PHF20L1: variants seen among roughly 807,000 people sequenced by gnomAD.
PHF20L1 encodes the protein PHD finger protein 20 like 1, also known as PHD finger protein 20-like protein 1.
A neutral mutation model predicts 125.5 loss-of-function variants in PHF20L1; 44 were observed. The ratio of observed to expected loss-of-function variants is 0.35; its 90% CI spans 0.28 to 0.45. PHF20L1 has a LOEUF of 0.45. Ranked by LOEUF, PHF20L1 falls within the 20% of genes least tolerant of loss-of-function variation. The pLI, the probability that PHF20L1 is intolerant of heterozygous loss-of-function variation, is 1.00. For missense variants in PHF20L1, 1,012 were observed against 1,217.2 expected, an observed-to-expected ratio of 0.83 and a Z score of 2.51; for synonymous variants, 380 against 403.1, an observed-to-expected ratio of 0.94 and a Z score of 0.69.
Position 132,794,432 on chromosome 8 carries a change from A to AG in PHF20L1, c.106_107insG (p.Ile36SerfsTer2). On this transcript the variant is annotated frameshift_variant, in exon 3 of 21. Transcript: ENST00000395386. LOFTEE classifies it high-confidence loss of function. The stretch of plus-strand genomic sequence containing the variant: ...GAGGTATCCATCACGAATTGAAAAA[A>AG]TTGACTATGAGGAGGGCAAGATGTT... 6.2e-7 allele frequency: 1 copy of AG among 1,608,196 alleles called. No individual in the cohort carries two copies. The highest frequency in any genetic ancestry group is 8.5e-7 in the Non-Finnish European group (1 of 1,176,730).
chr8:132,842,665 T>C lies in PHF20L1; in HGVS notation c.2538T>C (p.Pro846=), dbSNP rs373902741. Residue 846 remains proline (P), a synonymous_variant, in exon 19 of 21, where the codon CCT becomes CCC. Coordinates refer to ENST00000395386, the MANE Select transcript of PHF20L1 (RefSeq NM_016018.5). Reference sequence around the variant, plus strand: ...ATGTACAGAACCATAAAGAACCACCTCGTTTGCCCCTAAAAATGGAAGGAA... The same window carrying C: ...ATGTACAGAACCATAAAGAACCACCCCGTTTGCCCCTAAAAATGGAAGGAA... ...KKYVQNHKEP[P]RLPLKMEGTY... 3.0e-5 allele frequency: 49 copies of C among 1,613,082 alleles called. No individual in the cohort carries two copies. The African/African-American group carries it at 4.9e-4, about 16-fold the overall frequency.
chr8:132,828,277 A>G (rs1836406669), intron 14 of PHF20L1, among the ~76,000 whole-genome samples: 1 of 151,980 alleles, frequency 6.6e-6, no homozygotes, highest in African/African-American at 2.4e-5. Flanking sequence ...TTTAATCCTC[A>G]TATTAACCCT....
intron 12 of PHF20L1, chr8:132,818,579 T>C (rs1043809993): frequency 6.6e-6 from 1 of 151,940 alleles, no homozygotes; most frequent in Non-Finnish European, 1.5e-5. Context: ...ACATGATAAT[T>C]CTTTATCATG....
intron 13 of PHF20L1, 84 bp from the exon 14 acceptor site, chr8:132,825,180 A>G (rs1836030852): frequency 1.3e-6 from 2 of 1,567,684 alleles, no homozygotes; most frequent in Non-Finnish European, 1.7e-6. Context: ...GCTGATTAAA[A>G]CATAAATGCT....
At chr8:132,798,326 A>G (rs1832656618) in intron 4 of PHF20L1, among the ~76,000 whole-genome samples, 1 of 152,042 alleles carries the variant, frequency 6.6e-6, no homozygotes, top group Non-Finnish European at 1.5e-5. Flanking sequence ...TGCCCAAGGA[A>G]TAATCCTTTC....
rs571854548 is a variant in PHF20L1 at position 132,805,065 on chromosome 8, C to T, written c.847+325C>T. On this transcript the variant is annotated intron_variant, in intron 8 of 20. Coordinates refer to ENST00000395386, the MANE Select transcript of PHF20L1 (RefSeq NM_016018.5). Reference sequence around the variant, plus strand: ...CTAGAAGAATTATTTTGTCAACTTACGGTGACACAGTTTCTCAGATTTTAA... The same window carrying T: ...CTAGAAGAATTATTTTGTCAACTTATGGTGACACAGTTTCTCAGATTTTAA... Among the ~76,000 whole-genome samples, 4 of 151,912 alleles carry T rather than the reference C, an allele frequency of 2.6e-5. No individual in the cohort carries two copies. The South Asian group carries it at 6.2e-4, about 24-fold the overall frequency.
rs370031531 is a variant in PHF20L1 at position 132,836,519 on chromosome 8, T to C, written c.1910-21T>C. The C allele has an allele frequency of 4.4e-5, 66 of 1,493,586 alleles. No homozygotes were observed. In the African/African-American group the frequency reaches 9.1e-4, roughly 21 times the overall value. The allele number at this position is 1,493,586 out of a possible 1,614,324, so 92.5% of individuals were successfully genotyped here. A position where few individuals can be genotyped will look rare whatever the true frequency, so the allele number is the denominator to read the frequency against. ...GAAAATAGAAAAGTTGTTCTAAGTA[T>C]ACTTTTTGTATATATTCTAGACTTA... On this transcript the variant is annotated intron_variant, in intron 15 of 20. Transcript: ENST00000395386.
intron 9 of PHF20L1, chr8:132,813,139 A>G: frequency 1.0e-6 from 1 of 973,042 alleles, no homozygotes; most frequent in Non-Finnish European, 1.2e-6. Flanking sequence ...TGGATGCTGT[A>G]GTGATGTCTT....
chr8:132,786,399 C>T (rs757883252), intron 2 of PHF20L1, among the ~76,000 whole-genome samples: 65 of 151,964 alleles, frequency 4.3e-4, no homozygotes, highest in Non-Finnish European at 8.5e-4. Flanking sequence ...AATTATTTTC[C>T]ATACTCTTTG....
chr8:132,804,147 A>C, intron 7 of PHF20L1, 115 bp downstream of exon 7: 2 of 704,546 alleles, frequency 2.8e-6, no homozygotes, highest in Non-Finnish European at 4.7e-6. Context: ...TAGGCTTTTG[A>C]CCCTAGCATA....
chr8:132,810,079 C>T (rs1834199983), intron 8 of PHF20L1: 1 of 149,246 alleles, frequency 6.7e-6, no homozygotes, highest in African/African-American at 2.5e-5. Context: ...GAGTCTTGCT[C>T]TGCCACCTAG....
chr8:132,813,078 A>C, intron 9 of PHF20L1: 1 of 956,388 alleles, frequency 1.0e-6, no homozygotes, highest in Non-Finnish European at 1.2e-6. Flanking sequence ...GCACCTTATC[A>C]AGATATTAAG....
chr8:132,801,284 A>AT (rs1236928175), intron 6 of PHF20L1, among the ~76,000 whole-genome samples: 5 of 151,800 alleles, frequency 3.3e-5, no homozygotes, highest in African/African-American at 1.2e-4. Context: ...TTTACAAAAC[A>AT]TTTTTTGTGT....
chr8:132,845,465 T>C (rs1489835339), intron 20 of PHF20L1, among the ~76,000 whole-genome samples: 1 of 151,908 alleles, frequency 6.6e-6, no homozygotes, highest in Non-Finnish European at 1.5e-5. Context: ...ACCTTCAAAA[T>C]GAAGTTAGTG....
Position 132,843,600 on chromosome 8 carries a change from G to A in PHF20L1, c.2749-556G>A, listed in dbSNP as rs544956464. 4.0e-5 allele frequency: 36 copies of A among 909,696 alleles called. 2 individuals carry two copies. In the South Asian group the frequency reaches 1.4e-3, roughly 35 times the overall value. The allele number at this position is 909,696 out of a possible 1,614,324, so 56.4% of individuals were successfully genotyped here. ...TGAGTTATCTCTGGCAAATCCAAACGCACATTGTGTGTGTGTGTGTGTGTG... is the reference window on the plus strand; with the variant it reads ...TGAGTTATCTCTGGCAAATCCAAACACACATTGTGTGTGTGTGTGTGTGTG... On this transcript the variant is annotated intron_variant, in intron 19 of 20. Transcript: ENST00000395386.
At chr8:132,796,387 C>CT (rs1012121578) in intron 4 of PHF20L1, among the ~76,000 whole-genome samples, 3 of 151,824 alleles carry the variant, frequency 2.0e-5, no homozygotes, top group East Asian at 1.9e-4. Context: ...AGTTTTTAGG[C>CT]TGAGGATTTA....
chr8:132,835,525 C>A (rs1837260539), intron 15 of PHF20L1, among the ~76,000 whole-genome samples: 1 of 152,106 alleles, frequency 6.6e-6, no homozygotes, highest in East Asian at 1.9e-4. Flanking sequence ...GTAACCTGAG[C>A]AAAATGGTAG....
chr8:132,786,718 A>T (rs1335317541), intron 2 of PHF20L1, among the ~76,000 whole-genome samples: 1 of 151,982 alleles, frequency 6.6e-6, no homozygotes, highest in Non-Finnish European at 1.5e-5. Context: ...AGCCTCCATG[A>T]CCTCCCTTTA....
At chr8:132,813,147 C>G in intron 9 of PHF20L1, 1 of 972,358 alleles carries the variant, frequency 1.0e-6, no homozygotes, top group Non-Finnish European at 1.2e-6. Flanking sequence ...GTAGTGATGT[C>G]TTTCACATAT....
Sources: gnomAD v4.1 joint callset for allele counts (sites outside exome capture counted in the v4.1 genomes callset) on GRCh38, gnomAD v4.1.1 for gene constraint, MANE v1.5 for transcripts, NCBI Gene and HGNC (gene_info 2026-07-23, HGNC 2026-07-21) for gene names.